ABLIM1: variants seen among roughly 807,000 people sequenced by gnomAD.
ABLIM1 encodes actin binding LIM protein 1, also known as actin-binding LIM protein 1.
In ABLIM1, 40 loss-of-function variants were observed where a neutral mutation model predicts 107.0. That is an observed-to-expected ratio of 0.37 (90% CI 0.29 to 0.49). The LOEUF (loss-of-function observed/expected upper bound fraction) is 0.49, where lower values mean the gene tolerates loss of function less well. Among genes scored for constraint, ABLIM1 ranks in the 20% least tolerant of loss-of-function variants. The pLI is 0.97. For synonymous variants in ABLIM1, 357 were observed against 357.3 expected (o/e 1.00, Z 0.01); for missense variants, 857 against 1,008.5 (o/e 0.85, Z 2.04).
rs11338035 is a variant in ABLIM1, at chr10:114,444,152, GAA to G, written c.1828-20_1828-19del. On this transcript the variant is annotated intron_variant, in intron 16 of 22. Coordinates refer to ENST00000533213, the MANE Select transcript of ABLIM1 (RefSeq NM_002313.7). ...GAGTTAAGCTATTCACAGAAAAAAG[GAA>G]AAAAAAAAAAAAAAGAAAGCAAAGC... 30,515 of 1,252,898 alleles carry G rather than the reference GAA, an allele frequency of 0.024. 25 individuals carry two copies. Among genetic ancestry groups the G allele is most frequent in the South Asian group, 0.033 (2,176 of 65,562 alleles). 77.6% of individuals were successfully genotyped at this position (1,252,898 alleles called of 1,614,324 possible).
At chr10:114,448,076 G>A (rs757282056) in intron 14 of ABLIM1, 56 bp from the exon 15 acceptor site, 115 of 1,604,334 alleles carry the variant, frequency 7.2e-5, no homozygotes, top group Middle Eastern at 1.7e-4. Context: ...AGACAATGGC[G>A]GTACAACCCC....
At chr10:114,550,435 G>A (rs965301195) in intron 4 of ABLIM1, among the ~76,000 whole-genome samples, 2 of 151,988 alleles carry the variant, frequency 1.3e-5, no homozygotes, top group Non-Finnish European at 2.9e-5. Flanking sequence ...GCAAAATTGA[G>A]CAGAAGGTAC....
intron 6 of ABLIM1, among the ~76,000 whole-genome samples, chr10:114,507,241 G>C (rs1466955492): frequency 1.3e-5 from 2 of 152,130 alleles, no homozygotes; most frequent in Non-Finnish European, 2.9e-5. Flanking sequence ...AATTTACCTA[G>C]CACAAATTCT....
chr10:114,436,547 G>C (rs1707906823), intron 22 of ABLIM1, among the ~76,000 whole-genome samples, 174 bp from the exon 23 acceptor site: 1 of 152,168 alleles, frequency 6.6e-6, no homozygotes, highest in Non-Finnish European at 1.5e-5. Context: ...GGTTGGGCCA[G>C]GTGAGGAGCC....
intron 6 of ABLIM1, among the ~76,000 whole-genome samples, chr10:114,520,665 A>C (rs1265812468): frequency 6.6e-6 from 1 of 151,968 alleles, no homozygotes; most frequent in African/African-American, 2.4e-5. Flanking sequence ...AAAAGAAAAA[A>C]AAGAAAGAAA....
chr10:114,736,163 C>T (rs1277749372), intron 1 of ABLIM1, among the ~76,000 whole-genome samples: 2 of 152,082 alleles, frequency 1.3e-5, no homozygotes, highest in Admixed American at 6.6e-5. Flanking sequence ...CCTTAAAGTG[C>T]CCCCCAGGAA....
chr10:114,766,791 T>C (rs1289717666), intron 1 of ABLIM1, among the ~76,000 whole-genome samples: 1 of 152,222 alleles, frequency 6.6e-6, no homozygotes. Context: ...TCAGAGATTG[T>C]TATGACTCCA....
rs73352064 is a variant in ABLIM1 at position 114,467,487 on chromosome 10, T to C, written c.1311+694A>G. Among the ~76,000 whole-genome samples the C allele has an allele frequency of 4.5e-3, 685 of 152,322 alleles. 3 individuals are homozygous for C. Among genetic ancestry groups the C allele is most frequent in the African/African-American group, 0.016 (665 of 41,564 alleles). ...GCAAGGGGAAACTTTGGCTTGATAC[T>C]AGTTGTCTATAACAATAAATTAAAT... On this transcript the variant is annotated intron_variant, in intron 11 of 22. Coordinates refer to ENST00000533213, the MANE Select transcript of ABLIM1 (RefSeq NM_002313.7).
intron 10 of ABLIM1, among the ~76,000 whole-genome samples, chr10:114,468,489 T>C (rs1457683067): frequency 6.6e-6 from 1 of 152,094 alleles, no homozygotes; most frequent in Non-Finnish European, 1.5e-5. Flanking sequence ...TTAGTCAGGA[T>C]GGTCTCTATC....
the ABLIM1 span, among the ~76,000 whole-genome samples, chr10:114,795,956 CTATTCAG>C: frequency 6.6e-6 from 1 of 152,008 alleles, no homozygotes; most frequent in African/African-American, 2.4e-5. Context: ...AAACTATGAC[CTATTCAG>C]TATTTTCAGG....
chr10:114,745,435 C>A (rs1006220698), intron 1 of ABLIM1, among the ~76,000 whole-genome samples: 1 of 151,714 alleles, frequency 6.6e-6, no homozygotes, highest in African/African-American at 2.4e-5. Flanking sequence ...GTGGCATGTG[C>A]CTGTAATCCC....
intron 1 of ABLIM1, among the ~76,000 whole-genome samples, chr10:114,679,990 T>A (rs2080675219): frequency 6.6e-6 from 1 of 152,228 alleles, no homozygotes; most frequent in African/African-American, 2.4e-5. Context: ...TTGAAATTTT[T>A]ACAATGAAAG....
At chr10:114,625,645 G>T (rs944290283) in intron 1 of ABLIM1, among the ~76,000 whole-genome samples, 2 of 151,978 alleles carry the variant, frequency 1.3e-5, no homozygotes, top group Non-Finnish European at 2.9e-5. Flanking sequence ...TACATAAAAG[G>T]GGGGGGTACA....
intron 1 of ABLIM1, among the ~76,000 whole-genome samples, chr10:114,603,169 G>A (rs1404047604): frequency 6.6e-6 from 1 of 152,222 alleles, no homozygotes; most frequent in Non-Finnish European, 1.5e-5. Context: ...GCAGGGGGTA[G>A]ATGTGGGCAG....
chr10:114,591,246 T>C (rs2074836325), intron 2 of ABLIM1, among the ~76,000 whole-genome samples: 1 of 152,204 alleles, frequency 6.6e-6, no homozygotes, highest in Admixed American at 6.6e-5. Context: ...TGGGTGTTTC[T>C]TGGAATTTCC....
chr10:114,750,310 T>C (rs557266208), intron 1 of ABLIM1, among the ~76,000 whole-genome samples: 1 of 152,342 alleles, frequency 6.6e-6, no homozygotes, highest in African/African-American at 2.4e-5. Context: ...TACAGTTAAC[T>C]TGACTGAATC....
Position 114,547,788 on chromosome 10 carries a change from C to G in ABLIM1, c.674-12G>C, listed in dbSNP as rs182044256. ...GCAGCCGGCACAATCTGAAAAAGAG[C>G]AGCCGCCAGTGGTTACTACACATTT... On this transcript the variant is annotated splice_polypyrimidine_tract_variant and intron_variant, in intron 4 of 22. Coordinates refer to ENST00000533213, the MANE Select transcript of ABLIM1 (RefSeq NM_002313.7). The G allele has an allele frequency of 1.2e-6, 2 of 1,605,596 alleles. No individual in the cohort carries two copies. The highest frequency in any genetic ancestry group is 1.7e-6 in the Non-Finnish European group (2 of 1,179,788).
Position 114,468,125 on chromosome 10 carries a change from G to C in ABLIM1, c.1311+56C>G. ...TTTCAAAAATCCCAGTCTAGGGAAG[G>C]GCCAAGCAATTCTCAAATTCCACCC... On this transcript the variant is annotated intron_variant, in intron 11 of 22. Coordinates refer to ENST00000533213, the MANE Select transcript of ABLIM1 (RefSeq NM_002313.7). 6 of 1,485,612 alleles carry C rather than the reference G, an allele frequency of 4.0e-6. No homozygotes were observed. In the South Asian group the frequency reaches 6.8e-5, roughly 17 times the overall value. The allele number at this position is 1,485,612 out of a possible 1,614,324, so 92.0% of individuals were successfully genotyped here. A position where few individuals can be genotyped will look rare whatever the true frequency, so the allele number is the denominator to read the frequency against.
At chr10:114,454,217 C>A (rs1470203769) in intron 12 of ABLIM1, among the ~76,000 whole-genome samples, 1 of 151,944 alleles carries the variant, frequency 6.6e-6, no homozygotes, top group Non-Finnish European at 1.5e-5. Context: ...CTACTGAGGA[C>A]AAATAGATGA....
Sources: gnomAD v4.1 joint callset for allele counts (sites outside exome capture counted in the v4.1 genomes callset) on GRCh38, gnomAD v4.1.1 for gene constraint, MANE v1.5 for transcripts, NCBI Gene and HGNC (gene_info 2026-07-23, HGNC 2026-07-21) for gene names.